CSPG4: variants seen among roughly 807,000 people sequenced by gnomAD.
CSPG4 encodes the protein chondroitin sulfate proteoglycan 4.
CSPG4 carries 74 observed loss-of-function variants against 139.3 expected under a neutral mutation model. That is an observed-to-expected ratio of 0.53 (90% CI 0.44 to 0.64). CSPG4 has a LOEUF of 0.64. CSPG4 is among the 30% of genes least tolerant of loss of function. The pLI is 0.00. For synonymous variants in CSPG4, 1,234 were observed against 1,394.2 expected (o/e 0.89, Z 2.56); for missense variants, 2,565 against 3,148.3 (o/e 0.81, Z 4.43).
Position 75,688,143 on chromosome 15 carries a change from A to G in CSPG4, c.2922T>C (p.His974=). ...CATCTTCTGTGGTCTCGGAGTCATC[A>G]TGCTGGTAGACCAGCCGGCCACGCA... The part of the protein sequence containing the change: ...DLLRGRLVYQ[H]DDSETTEDDI... The change falls in exon 3 of 10, where the codon CAT becomes CAC. Residue 974 remains histidine (H), a synonymous_variant. Transcript: ENST00000308508. 3 of 1,612,828 alleles carry G rather than the reference A, an allele frequency of 1.9e-6. No homozygotes were observed. In the South Asian group the frequency reaches 3.3e-5, roughly 18 times the overall value.
rs1201124333 is a variant in CSPG4 at position 75,688,388 on chromosome 15, T to C, written c.2677A>G (p.Ile893Val). 3 of 1,613,262 alleles carry C rather than the reference T, an allele frequency of 1.9e-6. No homozygotes were observed. Among genetic ancestry groups the C allele is most frequent in the South Asian group, 2.2e-5 (2 of 91,084 alleles). ...ACAGGCGCATCTGGGTCACCACCAA[T>C]GTGGATGGGGAAGGTATAGAGTGGG... ...FSPLYTFPIH[I>V]GGDPDAPVLT... The change falls in exon 3 of 10, where the codon ATT becomes GTT. Residue 893 changes from isoleucine (I) to valine (V), a missense_variant. By Grantham distance (29) the Ile-to-Val change is conservative. Coordinates refer to ENST00000308508, the MANE Select transcript of CSPG4 (RefSeq NM_001897.5).
rs199534811 is a variant in CSPG4, at chr15:75,688,244, G to A, written c.2821C>T (p.Arg941Cys). ...SYLYEVMERP[R>C]HGRLAWRGTQ... ...CCACGCCAAGCCAACCTCCCATGGC[G>A]GGGCCGCTCCATGACCTCATAGAGG... Residue 941 changes from arginine (R) to cysteine (C), a missense_variant, in exon 3 of 10, where the codon CGC (arginine) becomes TGC (cysteine). Around this residue, in one of 5 missense-constraint regions of CSPG4, gnomAD observed 2,316 missense variants for 2,818.2 expected, o/e 0.82. Transcript: ENST00000308508. 73 of 1,612,950 alleles carry A rather than the reference G, an allele frequency of 4.5e-5. No individual in the cohort carries two copies. Among genetic ancestry groups the A allele is most frequent in the Non-Finnish European group, 5.3e-5 (62 of 1,179,956 alleles).
At chr15:75,701,032 C>CTG (rs1894295144) in intron 1 of CSPG4, among the ~76,000 whole-genome samples, 1 of 152,196 alleles carries the variant, frequency 6.6e-6, no homozygotes, top group Admixed American at 6.5e-5. Context: ...CATGCTTTCC[C>CTG]TGGCCTCAGT....
chr15:75,713,409 T>C (rs1481264067), upstream of CSPG4, among the ~76,000 whole-genome samples: 2 of 152,190 alleles, frequency 1.3e-5, no homozygotes, highest in Non-Finnish European at 2.9e-5. Context: ...AAGGGAGAGA[T>C]GTCTGGATTT....
intron 8 of CSPG4, chr15:75,679,980 G>C (rs1477933538): frequency 6.6e-6 from 1 of 152,204 alleles, no homozygotes; most frequent in Non-Finnish European, 1.5e-5. Flanking sequence ...CACCGCGCCC[G>C]GCCTTATTTT....
chr15:75,683,465 G>A (rs1411282870), intron 5 of CSPG4, among the ~76,000 whole-genome samples: 1 of 152,188 alleles, frequency 6.6e-6, no homozygotes, highest in Non-Finnish European at 1.5e-5. Context: ...GCCGGGGCCG[G>A]GCACAGGTGG....
At chr15:75,686,759 A>G (rs1293322572) in intron 3 of CSPG4, among the ~76,000 whole-genome samples, 1 of 152,140 alleles carries the variant, frequency 6.6e-6, no homozygotes, top group Non-Finnish European at 1.5e-5. Context: ...GACTGGCCTG[A>G]GGTCACAGGG....
rs1229367270 is a variant in CSPG4 at position 75,690,156 on chromosome 15, G to A, written c.909C>T (p.Tyr303=). The change falls in exon 3 of 10, where the codon TAC becomes TAT. Residue 303 remains tyrosine (Y), a synonymous_variant. Coordinates refer to ENST00000308508, the MANE Select transcript of CSPG4 (RefSeq NM_001897.5). ...CTCCTCGGTTCGAAGTATGCGTAGG[G>A]TACTGGTCCACGGAGATTTCCAGCC... ...AHRLEISVDQ[Y]PTHTSNRGVL... 7 of 1,613,042 alleles carry A rather than the reference G, an allele frequency of 4.3e-6. No homozygotes were observed. Among genetic ancestry groups the A allele is most frequent in the Non-Finnish European group, 5.9e-6 (7 of 1,179,918 alleles).
rs1596009506 is a variant in CSPG4, at chr15:75,689,842, G to A, written c.1223C>T (p.Ala408Val). 1 of 1,612,528 alleles carries A rather than the reference G, an allele frequency of 6.2e-7. No individual in the cohort carries two copies. Among genetic ancestry groups the A allele is most frequent in the African/African-American group, 1.3e-5 (1 of 74,938 alleles). The change falls in exon 3 of 10, where the codon GCC becomes GTC. Residue 408 changes from alanine to valine, a missense_variant. Transcript: ENST00000308508. ...CACGCATGGCTCAGGCAGCTCCATGGCTGGCCAAGCCTCAGGGGCCAGGGT... is the reference window on the plus strand; with the variant it reads ...CACGCATGGCTCAGGCAGCTCCATGACTGGCCAAGCCTCAGGGGCCAGGGT... Reference protein sequence around the residue: ...FSTLAPEAWPAMELPEPCVPE... With the variant: ...FSTLAPEAWPVMELPEPCVPE...
chr15:75,690,202 C>G lies in CSPG4; in HGVS notation c.863G>C (p.Ser288Thr). 1.2e-6 allele frequency: 2 copies of G among 1,613,378 alleles called. No homozygotes were observed. Reference protein sequence around the residue: ...PVADGQPHEVSVHINAHRLEI... With the variant: ...PVADGQPHEVTVHINAHRLEI... ...CAGCCGGTGAGCATTGATGTGGACA[C>G]TGACCTCATGGGGCTGCCCATCGGC... Residue 288 changes from serine to threonine, a missense_variant, in exon 3 of 10, where the codon AGT becomes ACT. Around this residue, in one of 5 missense-constraint regions of CSPG4, gnomAD observed 2,316 missense variants for 2,818.2 expected, o/e 0.82. Transcript: ENST00000308508.
chr15:75,690,862 C>A (rs1373608636), intron 2 of CSPG4, 50 bp from the exon 3 acceptor site: 10 of 1,543,462 alleles, frequency 6.5e-6, no homozygotes, highest in Non-Finnish European at 8.8e-6. Flanking sequence ...TTGGATCCAT[C>A]ATTTCCCTTA....
At chr15:75,697,207 C>T (rs1354340330) in intron 1 of CSPG4, among the ~76,000 whole-genome samples, 1 of 152,220 alleles carries the variant, frequency 6.6e-6, no homozygotes, top group Admixed American at 6.5e-5. Flanking sequence ...ATCTCTCCTT[C>T]GCCTCCGGCC....
At chr15:75,712,866 C>A, upstream of CSPG4, 1 of 897,162 alleles carries the variant, frequency 1.1e-6, no homozygotes, top group African/African-American at 1.8e-5. Context: ...CTCCGGGTGT[C>A]CGCGCACTTA....
chr15:75,702,177 G>A (rs1364710645), intron 1 of CSPG4, among the ~76,000 whole-genome samples: 1 of 152,154 alleles, frequency 6.6e-6, no homozygotes, highest in African/African-American at 2.4e-5. Flanking sequence ...TGAAGGCCAG[G>A]GTGCCCTCAA....
intron 1 of CSPG4, among the ~76,000 whole-genome samples, chr15:75,697,483 C>T (rs182767981): frequency 4.6e-5 from 7 of 152,318 alleles, no homozygotes; most frequent in African/African-American, 9.6e-5. Flanking sequence ...AGCGATTTGA[C>T]GAAGAGAAGC....
intron 8 of CSPG4, 110 bp from the exon 9 acceptor site, chr15:75,677,996 G>A (rs1378588065): frequency 2.0e-6 from 2 of 1,003,736 alleles, no homozygotes; most frequent in African/African-American, 3.4e-5. Flanking sequence ...GGTGTGCCCA[G>A]GTCTGTGCGT....
intron 1 of CSPG4, among the ~76,000 whole-genome samples, chr15:75,701,107 A>G (rs1015920312): frequency 2.0e-5 from 3 of 152,204 alleles, no homozygotes; most frequent in Non-Finnish European, 4.4e-5. Flanking sequence ...TGACCAGCCC[A>G]GCAGACTGGC....
chr15:75,683,077 G>T, intron 5 of CSPG4, 36 bp from the exon 6 acceptor site: 1 of 1,584,632 alleles, frequency 6.3e-7, no homozygotes. Flanking sequence ...CTGCCTTGCC[G>T]CACTCACCCA....
At chr15:75,711,216 C>CGAA in intron 1 of CSPG4, among the ~76,000 whole-genome samples, 1 of 150,572 alleles carries the variant, frequency 6.6e-6, no homozygotes, top group African/African-American at 2.4e-5. Context: ...CTGTACTTTT[C>CGAA]ATCCAGATTT....
Sources: allele counts gnomAD v4.1 joint callset (sites outside exome capture counted in the v4.1 genomes callset), GRCh38; gene constraint gnomAD v4.1.1; regional missense constraint gnomAD v4.1.1; transcripts MANE v1.5; gene names NCBI Gene and HGNC (gene_info 2026-07-23, HGNC 2026-07-21).